The following ANAPC1 variants were observed in gnomAD, a reference collection of about 807,000 sequenced individuals.
ANAPC1 encodes the protein anaphase promoting complex subunit 1.
Under a neutral mutation model 208.0 loss-of-function variants are expected in ANAPC1, and 36 were observed. The ratio of observed to expected loss-of-function variants is 0.17; its 90% CI spans 0.13 to 0.23. The LOEUF (loss-of-function observed/expected upper bound fraction) is 0.23, where lower values mean the gene tolerates loss of function less well. Ranked by LOEUF, ANAPC1 falls within the 10% of genes least tolerant of loss-of-function variation. The pLI is 1.00. For synonymous variants in ANAPC1, 378 were observed against 695.2 expected (o/e 0.54, Z 7.18); for missense variants, 942 against 2,011.6 (o/e 0.47, Z 10.17).
chr2:111,810,806 C>G (rs1678945825), intron 28 of ANAPC1, among the ~76,000 whole-genome samples: 1 of 139,784 alleles, frequency 7.2e-6, no homozygotes, highest in South Asian at 2.4e-4. Context: ...TTGCTTGAAC[C>G]TGGGAGGTAG....
intron 7 of ANAPC1, 103 bp downstream of exon 7, chr2:111,867,919 AC>A: frequency 1.6e-6 from 1 of 625,230 alleles, no homozygotes; most frequent in Non-Finnish European, 2.7e-6. Context: ...TAAAATGTTT[AC>A]ATTATTTTTA....
At chr2:111,821,657 G>A in intron 25 of ANAPC1, 4 of 510,074 alleles carry the variant, frequency 7.8e-6, no homozygotes, top group South Asian at 2.0e-5. Context: ...TGCTGGCCGG[G>A]TGTGGTGGCT....
At chr2:111,831,673 C>G (rs1204229904) in intron 20 of ANAPC1, among the ~76,000 whole-genome samples, 2 of 151,490 alleles carry the variant, frequency 1.3e-5, no homozygotes, top group Non-Finnish European at 2.9e-5. Context: ...CCCGTCTCTA[C>G]TAAAAATACA....
rs1680247413 is a variant in ANAPC1, at chr2:111,833,073, C to T, written c.2476+147G>A. ...CTTACTACGTGTCAGAAAACAAGCA[C>T]TACGAACTAAAATCTGCCTGGTGGA... On this transcript the variant is annotated intron_variant, in intron 20 of 47. Coordinates refer to ENST00000341068, the MANE Select transcript of ANAPC1 (RefSeq NM_022662.4). 6 of 1,192,246 alleles carry T rather than the reference C, an allele frequency of 5.0e-6. No individual in the cohort carries two copies. In the South Asian group the frequency reaches 9.8e-5, roughly 19 times the overall value. 73.9% of individuals were successfully genotyped at this position (1,192,246 alleles called of 1,614,324 possible).
At chr2:111,837,550 G>A (rs1680533869) in intron 18 of ANAPC1, among the ~76,000 whole-genome samples, 1 of 152,144 alleles carries the variant, frequency 6.6e-6, no homozygotes, top group Non-Finnish European at 1.5e-5. Context: ...AACCCAGGAG[G>A]TGGAGAGCCG....
intron 46 of ANAPC1, among the ~76,000 whole-genome samples, chr2:111,775,283 A>G (rs140098208): frequency 6.6e-6 from 1 of 152,134 alleles, no homozygotes; most frequent in African/African-American, 2.4e-5. Context: ...AAAAAACAAA[A>G]CCGACATTTA....
At chr2:111,784,296 C>G in intron 41 of ANAPC1, 27 bp downstream of exon 41, 2 of 1,614,032 alleles carry the variant, frequency 1.2e-6, no homozygotes, top group Non-Finnish European at 1.7e-6. Flanking sequence ...ACCCCTTGGA[C>G]CCAACTCCCG....
chr2:111,881,907 G>A (rs184593397), intron 1 of ANAPC1, among the ~76,000 whole-genome samples: 2 of 152,154 alleles, frequency 1.3e-5, no homozygotes, highest in South Asian at 2.1e-4. Flanking sequence ...CCTCTGGACC[G>A]GGTGCGGTGG....
intron 9 of ANAPC1, 25 bp from the exon 10 acceptor site, chr2:111,862,623 T>C: frequency 6.2e-7 from 1 of 1,603,220 alleles, no homozygotes; most frequent in South Asian, 1.1e-5. Context: ...GAGGAGAGAG[T>C]ACATCACAGT....
chr2:111,873,809 A>G, intron 3 of ANAPC1, 145 bp from the exon 4 acceptor site: 2 of 624,274 alleles, frequency 3.2e-6, no homozygotes, highest in Non-Finnish European at 2.4e-6. Flanking sequence ...AACAAAAAGA[A>G]TAAGAAAAAA....
At position 111,853,925 on chromosome 2, in the gene ANAPC1, C is replaced by T. The variant is rs183984453; in HGVS notation, c.1515+2689G>A. Among the ~76,000 whole-genome samples, 892 of 152,172 alleles carry T rather than the reference C, an allele frequency of 5.9e-3. 8 individuals are homozygous for T. The highest frequency in any genetic ancestry group is 0.037 in the Middle Eastern group (11 of 294). ...TAGACACAGGGTTTCACCGTGTTAG[C>T]CAGGATGGTCTCGATCTCCTGACCT... On this transcript the variant is annotated intron_variant, in intron 13 of 47. Transcript: ENST00000341068.
Position 111,794,225 on chromosome 2 carries a change from C to T in ANAPC1, c.4464+8G>A. 6.2e-7 allele frequency: 1 copy of T among 1,604,198 alleles called. No individual in the cohort carries two copies. The highest frequency in any genetic ancestry group is 8.5e-7 in the Non-Finnish European group (1 of 1,176,872). ...AAAAAGAACACAGTAAACTAAAATA[C>T]TTCTTACCAAACAGTTAAATGCTGA... On this transcript the variant is annotated splice_region_variant and intron_variant, in intron 36 of 47. Transcript: ENST00000341068.
intron 28 of ANAPC1, among the ~76,000 whole-genome samples, chr2:111,810,620 C>T (rs1463227135): frequency 1.3e-5 from 2 of 148,238 alleles, no homozygotes; most frequent in Admixed American, 6.7e-5. Flanking sequence ...CAGAGGCTCA[C>T]GCCTATAATC....
intron 28 of ANAPC1, among the ~76,000 whole-genome samples, chr2:111,811,138 C>T (rs1414162646): frequency 6.6e-6 from 1 of 152,082 alleles, no homozygotes; most frequent in Non-Finnish European, 1.5e-5. Flanking sequence ...TACACCGGCC[C>T]CCAGTCCCCA....
intron 46 of ANAPC1, among the ~76,000 whole-genome samples, chr2:111,772,734 A>G (rs1271631450): frequency 1.3e-5 from 2 of 152,198 alleles, no homozygotes; most frequent in African/African-American, 2.4e-5. Context: ...GAGGAGTGCT[A>G]TAAAGGTGCA....
At chr2:111,826,490 A>AT (rs1454526941) in intron 21 of ANAPC1, among the ~76,000 whole-genome samples, 2 of 152,148 alleles carry the variant, frequency 1.3e-5, no homozygotes, top group Non-Finnish European at 2.9e-5. Context: ...TTAACTTAGC[A>AT]TAAGTCTTTG....
intron 6 of ANAPC1, among the ~76,000 whole-genome samples, chr2:111,869,238 T>G (rs955917043): frequency 2.0e-5 from 3 of 150,350 alleles, no homozygotes; most frequent in Non-Finnish European, 4.4e-5. Flanking sequence ...AGCTAAGAAC[T>G]GAATCTTGTT....
Position 111,880,664 on chromosome 2 carries a change from A to C in ANAPC1, c.162T>G (p.Ala54=). 1 of 1,613,320 alleles carries C rather than the reference A, an allele frequency of 6.2e-7. No homozygotes were observed. Among genetic ancestry groups the C allele is most frequent in the African/African-American group, 1.3e-5 (1 of 75,026 alleles). ...PASELWSSDG[A]AGLVGSLQEV... ...CCTGAAGGGATCCCACCAAGCCAGCAGCACCATCAGAAGACCATAATTCAG... is the reference window on the plus strand; with the variant it reads ...CCTGAAGGGATCCCACCAAGCCAGCCGCACCATCAGAAGACCATAATTCAG... Residue 54 remains alanine, a synonymous_variant, in exon 2 of 48, where the codon GCT becomes GCG. Transcript: ENST00000341068.
intron 7 of ANAPC1, chr2:111,865,736 AAT>A (rs1209683678): frequency 6.3e-6 from 1 of 157,536 alleles, no homozygotes; most frequent in East Asian, 1.9e-4. Context: ...TAGTTCACTA[AAT>A]ATTAGTCAAA....
Sources: gnomAD v4.1 joint callset for allele counts (sites outside exome capture counted in the v4.1 genomes callset) on GRCh38, gnomAD v4.1.1 for gene constraint, MANE v1.5 for transcripts, NCBI Gene and HGNC (gene_info 2026-07-23, HGNC 2026-07-21) for gene names.